Variants in IRAG2 observed in about 807,000 individuals in gnomAD.
IRAG2 encodes the protein inositol 1,4,5-triphosphate receptor associated 2.
In IRAG2, 45 loss-of-function variants were observed where a neutral mutation model predicts 69.9. The ratio of observed to expected loss-of-function variants is 0.64; its 90% CI spans 0.51 to 0.83. The LOEUF (loss-of-function observed/expected upper bound fraction) is 0.83. IRAG2 is among the 40% of genes least tolerant of loss of function. The pLI is 0.00. For missense variants in IRAG2, 520 were observed against 587.0 expected (o/e 0.89, Z 1.18); for synonymous variants, 193 against 202.4 (o/e 0.95, Z 0.40).
chr12:25,014,191 T>C (rs1944502326), intron 3 of IRAG2, among the ~76,000 whole-genome samples: 1 of 151,930 alleles, frequency 6.6e-6, no homozygotes, highest in East Asian at 1.9e-4. Context: ...TTTGTTTTCT[T>C]AAGAATTTAA....
intron 16 of IRAG2, among the ~76,000 whole-genome samples, chr12:25,038,938 G>A (rs965681462): frequency 2.0e-5 from 3 of 152,134 alleles, no homozygotes; most frequent in Non-Finnish European, 2.9e-5. Flanking sequence ...TCAGTTAAAT[G>A]GAGTCATAGG....
chr12:25,004,950 T>C (rs1477117520), intron 1 of IRAG2: 3 of 1,178,878 alleles, frequency 2.5e-6, no homozygotes, highest in African/African-American at 1.6e-5. Context: ...GTCCTTCCAA[T>C]AGAGCAATAA....
intron 1 of IRAG2, 53 bp from the exon 2 acceptor site, chr12:25,061,535 CATTA>C: frequency 2.5e-6 from 1 of 398,206 alleles, no homozygotes; most frequent in South Asian, 1.3e-4. Flanking sequence ...GAAATAAATT[CATTA>C]ATTAATTAAA....
At chr12:25,095,934 T>C (rs1282160377) in intron 14 of IRAG2, among the ~76,000 whole-genome samples, 2 of 152,202 alleles carry the variant, frequency 1.3e-5, no homozygotes, top group African/African-American at 4.8e-5. Flanking sequence ...TTTAAACCAC[T>C]GTAAGAAACT....
At chr12:25,007,615 G>A (rs148668119) in intron 2 of IRAG2, among the ~76,000 whole-genome samples, 4,989 of 152,180 alleles carry the variant, frequency 0.033, 193 homozygotes, top group East Asian at 0.17. Flanking sequence ...TCTGCCACCC[G>A]GGTTCAAGTG....
upstream of IRAG2, among the ~76,000 whole-genome samples, chr12:25,049,336 G>T (rs1944821805): frequency 6.6e-6 from 1 of 152,200 alleles, no homozygotes; most frequent in Non-Finnish European, 1.5e-5. Context: ...ACTTTGGGCA[G>T]TATGGCTATT....
chr12:25,034,430 G>C (rs1944690179), intron 13 of IRAG2, among the ~76,000 whole-genome samples: 2 of 152,154 alleles, frequency 1.3e-5, no homozygotes, highest in South Asian at 4.1e-4. Flanking sequence ...ACAGAAACTA[G>C]CATTTTCTTA....
chr12:25,009,823 T>C (rs1292500728), intron 2 of IRAG2, among the ~76,000 whole-genome samples: 2 of 151,446 alleles, frequency 1.3e-5, no homozygotes, highest in East Asian at 3.9e-4. Context: ...AAAAAATCAA[T>C]GTCCCAGTTG....
chr12:25,050,532 A>C (rs558145737), upstream of IRAG2, among the ~76,000 whole-genome samples: 502 of 49,648 alleles, frequency 0.01, 21 homozygotes, highest in Non-Finnish European at 0.024. Context: ...CGTCTCAAAA[A>C]AAACAAACAA....
At chr12:25,034,845 C>T (rs530933807) in intron 13 of IRAG2, among the ~76,000 whole-genome samples, 6 of 152,310 alleles carry the variant, frequency 3.9e-5, no homozygotes, top group African/African-American at 1.4e-4. Flanking sequence ...AAGCCATCTC[C>T]GGCAGCCCTG....
Position 25,085,562 on chromosome 12 carries a change from C to T in IRAG2, c.315+2069C>T, listed in dbSNP as rs950395643. On this transcript the variant is annotated intron_variant, in intron 10 of 21. Coordinates refer to ENST00000556887, the MANE Select transcript of IRAG2 (RefSeq NM_001366544.2). ...TTGTGTTGTGTGCCCACTAAGGTCT[C>T]GGGTTTATGTTGGCACAGGATGAGG... Among the ~76,000 whole-genome samples, 9 of 152,142 alleles carry T rather than the reference C, an allele frequency of 5.9e-5. No homozygotes were observed. The East Asian group carries it at 7.7e-4, about 13-fold the overall frequency.
At chr12:25,050,290 G>A (rs1047072446), upstream of IRAG2, among the ~76,000 whole-genome samples, 3 of 151,812 alleles carry the variant, frequency 2.0e-5, no homozygotes, top group Admixed American at 1.3e-4. Flanking sequence ...CAGCACTTTC[G>A]GAGGCCGAGA....
intron 13 of IRAG2, 73 bp from the exon 14 acceptor site, chr12:25,089,984 G>A: frequency 1.4e-6 from 2 of 1,476,132 alleles, no homozygotes; most frequent in East Asian, 2.3e-5. Context: ...GTATAAAACA[G>A]TATTAAACTG....
At chr12:25,097,293 G>A (rs1490049929) in intron 15 of IRAG2, 1 of 356,696 alleles carries the variant, frequency 2.8e-6, no homozygotes, top group African/African-American at 2.1e-5. Context: ...GATGTATAGT[G>A]TTATAATATA....
chr12:25,031,254 G>A (rs777296747), intron 10 of IRAG2: 6 of 164,022 alleles, frequency 3.7e-5, no homozygotes, highest in African/African-American at 1.2e-4. Flanking sequence ...ATGATATTGC[G>A]ATAGTAGTGG....
chr12:25,076,578 T>C (rs1406503673), intron 6 of IRAG2: 13 of 982,950 alleles, frequency 1.3e-5, no homozygotes, highest in Non-Finnish European at 1.4e-5. Flanking sequence ...CATAATGGAA[T>C]AGAAAATAAG....
intron 7 of IRAG2, among the ~76,000 whole-genome samples, chr12:25,023,433 A>C (rs16928343): frequency 0.22 from 33,368 of 151,908 alleles, 4,416 homozygotes; most frequent in Non-Finnish European, 0.31. Flanking sequence ...TCTGAATTTG[A>C]GGCTGTTAAT....
intron 9 of IRAG2, among the ~76,000 whole-genome samples, chr12:25,027,062 A>G (rs1055348625): frequency 3.5e-4 from 53 of 150,754 alleles, no homozygotes; most frequent in African/African-American, 1.3e-3. Flanking sequence ...CTTTACTGAT[A>G]TGTAATTCAC....
At chr12:25,090,002 T>C (rs1947928235) in intron 13 of IRAG2, 55 bp from the exon 14 acceptor site, 1 of 1,565,664 alleles carries the variant, frequency 6.4e-7, no homozygotes, top group Admixed American at 1.7e-5. Context: ...CTGAAACATC[T>C]GACCACATCC....
Sources: gnomAD v4.1 joint callset for allele counts (sites outside exome capture counted in the v4.1 genomes callset) on GRCh38, gnomAD v4.1.1 for gene constraint, MANE v1.5 for transcripts, NCBI Gene and HGNC (gene_info 2026-07-23, HGNC 2026-07-21) for gene names.